Variants in IQCJ observed in about 807,000 individuals in gnomAD.
IQCJ encodes IQ motif containing J, also known as IQ domain-containing protein J.
IQCJ carries 9 observed loss-of-function variants against 11.0 expected under a neutral mutation model. That is an observed-to-expected ratio of 0.82 (90% CI 0.49 to 1.43). The LOEUF (loss-of-function observed/expected upper bound fraction) is 1.43, where lower values mean the gene tolerates loss of function less well. Ranked by LOEUF, IQCJ falls within the 40% of genes most tolerant of loss-of-function variation. IQCJ has a pLI of 0.00. For missense variants in IQCJ, 146 were observed against 133.2 expected (o/e 1.10, Z -0.47); for synonymous variants, 55 against 51.3 (o/e 1.07, Z -0.31).
intron 1 of IQCJ, among the ~76,000 whole-genome samples, chr3:159,125,732 A>C (rs1192358976): frequency 1.3e-5 from 2 of 152,212 alleles, no homozygotes; most frequent in Non-Finnish European, 2.9e-5. Context: ...CCCTAGGGCT[A>C]TCCTTGGAAG....
At chr3:159,254,262 T>A (rs1342350967) in intron 3 of IQCJ, among the ~76,000 whole-genome samples, 1 of 152,140 alleles carries the variant, frequency 6.6e-6, no homozygotes, top group East Asian at 1.9e-4. Flanking sequence ...AACTCCTGGG[T>A]CTTTTTCAGT....
At chr3:159,116,241 GAGA>G (rs1226917318) in intron 1 of IQCJ, among the ~76,000 whole-genome samples, 2 of 151,648 alleles carry the variant, frequency 1.3e-5, no homozygotes, top group Non-Finnish European at 2.9e-5. Flanking sequence ...CTCAAAAAAA[GAGA>G]AGAAGGAGAA....
At chr3:159,259,350 A>G (rs1381591470) in intron 3 of IQCJ, among the ~76,000 whole-genome samples, 3 of 152,202 alleles carry the variant, frequency 2.0e-5, no homozygotes, top group African/African-American at 7.2e-5. Context: ...ATATAGGAGC[A>G]CACAACATGT....
At chr3:159,263,879 A>G, downstream of IQCJ, 1 of 931,382 alleles carries the variant, frequency 1.1e-6, no homozygotes, top group Non-Finnish European at 1.3e-6. Context: ...ACTTTTTAAA[A>G]CAATTATTTA....
intron 1 of IQCJ, among the ~76,000 whole-genome samples, chr3:159,154,623 T>G (rs905599944): frequency 5.3e-5 from 8 of 151,988 alleles, no homozygotes; most frequent in Non-Finnish European, 1.0e-4. Flanking sequence ...GGTCTAGAGG[T>G]TTGGTCTACT....
rs191562611 is a variant in IQCJ at position 159,161,357 on chromosome 3, G to C, written c.10-84486G>C. Among the ~76,000 whole-genome samples, 619 of 152,220 alleles carry C rather than the reference G, an allele frequency of 4.1e-3. 2 individuals carry two copies. Among genetic ancestry groups the C allele is most frequent in the African/African-American group, 0.014 (582 of 41,520 alleles). ...TGAGAAGTGTCTGTTCATGTCCTTT[G>C]CCCACTTTTTGATGTGGTTGTTTGT... On this transcript the variant is annotated intron_variant, in intron 1 of 3. Coordinates refer to ENST00000397832, the MANE Select transcript of IQCJ (RefSeq NM_001042706.3).
chr3:159,246,710 A>G (rs1727293927), intron 2 of IQCJ, among the ~76,000 whole-genome samples: 1 of 152,226 alleles, frequency 6.6e-6, no homozygotes, highest in African/African-American at 2.4e-5. Flanking sequence ...TTCTGGAACC[A>G]TGTGAAACTA....
intron 1 of IQCJ, among the ~76,000 whole-genome samples, chr3:159,197,747 G>A (rs1031442894): frequency 1.3e-5 from 2 of 152,050 alleles, no homozygotes; most frequent in African/African-American, 4.8e-5. Context: ...CAGAGTTGTA[G>A]CCCTGTGCAA....
chr3:159,211,389 A>C (rs1724942604), intron 1 of IQCJ, among the ~76,000 whole-genome samples: 1 of 152,230 alleles, frequency 6.6e-6, no homozygotes, highest in Non-Finnish European at 1.5e-5. Context: ...GGGTGACTGT[A>C]TATTCTGGTT....
At chr3:159,152,505 C>G (rs1222388035) in intron 1 of IQCJ, among the ~76,000 whole-genome samples, 1 of 152,106 alleles carries the variant, frequency 6.6e-6, no homozygotes, top group East Asian at 1.9e-4. Context: ...GACTAAAGAC[C>G]TGGGGTTAAA....
At chr3:159,236,809 A>G (rs1201460136) in intron 1 of IQCJ, among the ~76,000 whole-genome samples, 2 of 152,214 alleles carry the variant, frequency 1.3e-5, no homozygotes, top group African/African-American at 4.8e-5. Context: ...TTATGCAAAC[A>G]TTAGTAACCC....
chr3:159,163,239 T>C (rs1721974282), intron 1 of IQCJ, among the ~76,000 whole-genome samples: 1 of 152,230 alleles, frequency 6.6e-6, no homozygotes. Flanking sequence ...TCAAGTGGGC[T>C]TCAGCCCTGG....
downstream of IQCJ, among the ~76,000 whole-genome samples, chr3:159,263,957 C>A (rs192950696): frequency 2.4e-3 from 364 of 152,268 alleles, 2 homozygotes; most frequent in Middle Eastern, 6.8e-3. Context: ...CTGGAAAATG[C>A]CAGGGCTTCT....
intron 1 of IQCJ, among the ~76,000 whole-genome samples, chr3:159,072,458 T>A (rs1405717666): frequency 1.3e-5 from 2 of 152,032 alleles, no homozygotes; most frequent in Non-Finnish European, 2.9e-5. Context: ...AGGAGCCGTA[T>A]TGGAAGTAAG....
At chr3:159,091,496 A>G (rs956569196) in intron 1 of IQCJ, among the ~76,000 whole-genome samples, 4 of 151,686 alleles carry the variant, frequency 2.6e-5, no homozygotes, top group Admixed American at 6.6e-5. Flanking sequence ...TCATGACCCA[A>G]TCACCTCCCA....
chr3:159,118,260 C>T (rs1344786386), intron 1 of IQCJ, among the ~76,000 whole-genome samples: 1 of 152,188 alleles, frequency 6.6e-6, no homozygotes, highest in South Asian at 2.1e-4. Flanking sequence ...TTACAAGGCT[C>T]CCTGCAGAAG....
At chr3:159,213,553 A>T (rs1156281502) in intron 1 of IQCJ, among the ~76,000 whole-genome samples, 2 of 152,188 alleles carry the variant, frequency 1.3e-5, no homozygotes, top group Non-Finnish European at 2.9e-5. Context: ...TGTTTATGTC[A>T]ACAATTGAAC....
At chr3:159,185,002 T>C (rs1723300999) in intron 1 of IQCJ, among the ~76,000 whole-genome samples, 2 of 152,164 alleles carry the variant, frequency 1.3e-5, no homozygotes, top group South Asian at 4.1e-4. Context: ...TAGCTGCTGG[T>C]TTCAAAATCA....
intron 1 of IQCJ, among the ~76,000 whole-genome samples, chr3:159,113,334 G>A (rs549952349): frequency 2.0e-5 from 3 of 152,330 alleles, no homozygotes; most frequent in African/African-American, 7.2e-5. Flanking sequence ...TGATAGATGT[G>A]ACCTGCAGCC....
Sources: allele counts gnomAD v4.1 joint callset (sites outside exome capture counted in the v4.1 genomes callset), GRCh38; gene constraint gnomAD v4.1.1; transcripts MANE v1.5; gene names NCBI Gene and HGNC (gene_info 2026-07-23, HGNC 2026-07-21).